AFG2A: variants seen among roughly 807,000 people sequenced by gnomAD.
AFG2A encodes the protein ATPase family gene 2 protein homolog A.
At chr4:123,226,459 A>G in the AFG2A span, among the ~76,000 whole-genome samples, 6 of 152,122 alleles carry the variant, frequency 3.9e-5, no homozygotes, top group Non-Finnish European at 8.8e-5. Flanking sequence ...TTCTGCATCT[A>G]TTGAGATAAT....
the AFG2A span, among the ~76,000 whole-genome samples, chr4:123,166,912 G>A: frequency 1.3e-5 from 2 of 152,064 alleles, no homozygotes; most frequent in Admixed American, 6.6e-5. Context: ...ATAGAAAGGA[G>A]TATATACTAT....
At chr4:123,262,478 A>G in the AFG2A span, among the ~76,000 whole-genome samples, 38 of 152,176 alleles carry the variant, frequency 2.5e-4, no homozygotes, top group African/African-American at 8.7e-4. Context: ...GGACTCCACG[A>G]TCTCCTAATG....
chr4:122,938,155 T>A, the AFG2A span: 1 of 1,609,438 alleles, frequency 6.2e-7, no homozygotes, highest in Non-Finnish European at 8.5e-7. Flanking sequence ...ATTGATGAGC[T>A]GGATGCACTT....
chr4:123,017,484 T>C, the AFG2A span, among the ~76,000 whole-genome samples: 15 of 146,310 alleles, frequency 1.0e-4, 1 homozygote, highest in South Asian at 3.5e-3. Flanking sequence ...CTTTTACTTA[T>C]TTTCATTTAG....
chr4:123,304,862 T>C, the AFG2A span, among the ~76,000 whole-genome samples: 3 of 152,090 alleles, frequency 2.0e-5, no homozygotes, highest in African/African-American at 4.8e-5. Flanking sequence ...GAGGGGTGTC[T>C]CCCTCCTCCA....
At chr4:123,170,813 TCTTAA>T in the AFG2A span, among the ~76,000 whole-genome samples, 20 of 152,170 alleles carry the variant, frequency 1.3e-4, no homozygotes, top group Non-Finnish European at 2.5e-4. Context: ...TCAGTTTCTT[TCTTAA>T]CTTTTTGTTG....
chr4:123,260,138 A>G, the AFG2A span: 1 of 152,130 alleles, frequency 6.6e-6, no homozygotes, highest in African/African-American at 2.4e-5. Context: ...GTCAGGAGCA[A>G]AAAAAACACC....
At chr4:123,069,323 C>CT in the AFG2A span, among the ~76,000 whole-genome samples, 5 of 152,096 alleles carry the variant, frequency 3.3e-5, no homozygotes, top group Non-Finnish European at 5.9e-5. Flanking sequence ...ATTTAACAGT[C>CT]TTTTTTTGCG....
At chr4:123,312,057 C>T in the AFG2A span, among the ~76,000 whole-genome samples, 2 of 152,346 alleles carry the variant, frequency 1.3e-5, no homozygotes, top group East Asian at 3.9e-4. Flanking sequence ...CACCATGGTA[C>T]ACATGCTCAT....
At chr4:123,022,775 G>T in the AFG2A span, among the ~76,000 whole-genome samples, 1 of 151,990 alleles carries the variant, frequency 6.6e-6, no homozygotes, top group Admixed American at 6.6e-5. Flanking sequence ...GCAAAAACTT[G>T]GAACCAACCC....
the AFG2A span, among the ~76,000 whole-genome samples, chr4:123,042,341 A>T: frequency 6.6e-6 from 1 of 152,040 alleles, no homozygotes; most frequent in African/African-American, 2.4e-5. Context: ...AAGCAGAGAG[A>T]GAGAGAGAGA....
chr4:123,053,502 C>T, the AFG2A span, among the ~76,000 whole-genome samples: 2 of 152,306 alleles, frequency 1.3e-5, no homozygotes, highest in East Asian at 1.9e-4. Context: ...AGACTGGCCC[C>T]GACTTATTTG....
the AFG2A span, among the ~76,000 whole-genome samples, chr4:122,977,177 T>C: frequency 6.6e-6 from 1 of 152,174 alleles, no homozygotes; most frequent in East Asian, 1.9e-4. Context: ...GAAACCTCTG[T>C]GGCCGGTGGC....
chr4:123,091,927 A>G, the AFG2A span, among the ~76,000 whole-genome samples: 1 of 152,206 alleles, frequency 6.6e-6, no homozygotes, highest in Non-Finnish European at 1.5e-5. Flanking sequence ...ACATATACAC[A>G]TTCTTTCAGT....
At chr4:123,122,306 T>G in the AFG2A span, among the ~76,000 whole-genome samples, 6 of 152,218 alleles carry the variant, frequency 3.9e-5, no homozygotes, top group Non-Finnish European at 5.9e-5. Context: ...GAAAATATCA[T>G]AAGTCAAAAA....
chr4:123,262,947 G>A, the AFG2A span, among the ~76,000 whole-genome samples: 1 of 152,148 alleles, frequency 6.6e-6, no homozygotes, highest in Non-Finnish European at 1.5e-5. Flanking sequence ...CAGATGGAAA[G>A]GCAGAGATGA....
At chr4:122,973,773 C>T in the AFG2A span, among the ~76,000 whole-genome samples, 1 of 152,162 alleles carries the variant, frequency 6.6e-6, no homozygotes, top group Non-Finnish European at 1.5e-5. Flanking sequence ...TCACTGCGGT[C>T]TTGACTTCCT....
At chr4:123,206,096 C>G in the AFG2A span, among the ~76,000 whole-genome samples, 3 of 152,148 alleles carry the variant, frequency 2.0e-5, no homozygotes, top group South Asian at 6.2e-4. Flanking sequence ...CAAATCTAGC[C>G]TTAAGGAACC....
the AFG2A span, among the ~76,000 whole-genome samples, chr4:123,005,057 G>A: frequency 6.6e-6 from 1 of 152,002 alleles, no homozygotes; most frequent in Non-Finnish European, 1.5e-5. Context: ...GGTATGTCCG[G>A]TCTTTCATTT....
Sources: allele counts gnomAD v4.1 joint callset (sites outside exome capture counted in the v4.1 genomes callset), GRCh38; gene constraint gnomAD v4.1.1; transcripts MANE v1.5; gene names NCBI Gene and HGNC (gene_info 2026-07-23, HGNC 2026-07-21).